The following KLHL8 variants were observed in gnomAD, a reference collection of about 807,000 sequenced individuals.
KLHL8 encodes the protein kelch-like protein 8.
KLHL8 carries 38 observed loss-of-function variants against 63.5 expected under a neutral mutation model. The ratio of observed to expected loss-of-function variants is 0.60; its 90% confidence interval spans 0.46 to 0.78. The LOEUF (loss-of-function observed/expected upper bound fraction) is 0.78. Among genes scored for constraint, KLHL8 ranks in the 30% least tolerant of loss-of-function variants. The probability of loss-of-function intolerance (pLI) is 0.00; values close to 1 mark genes in which losing one functional copy is unlikely to be tolerated. For synonymous variants in KLHL8, 224 were observed against 254.3 expected (o/e 0.88, Z 1.13); for missense variants, 566 against 752.4 (o/e 0.75, Z 2.90).
At chr4:87,238,963 C>CT (rs1403515802) in intron 1 of KLHL8, among the ~76,000 whole-genome samples, 4 of 152,094 alleles carry the variant, frequency 2.6e-5, no homozygotes, top group African/African-American at 2.4e-5. Flanking sequence ...TCTCTAGTGA[C>CT]TTTTTTTCCA....
intron 1 of KLHL8, among the ~76,000 whole-genome samples, chr4:87,226,066 T>G (rs1003000857): frequency 2.0e-5 from 3 of 152,184 alleles, no homozygotes; most frequent in African/African-American, 7.2e-5. Context: ...AACTGTGACT[T>G]TAGTTACCAG....
At chr4:87,214,417 T>TAG (rs1361891189) in intron 1 of KLHL8, among the ~76,000 whole-genome samples, 1 of 13,662 alleles carries the variant, frequency 7.3e-5, no homozygotes, top group Non-Finnish European at 1.2e-4. Flanking sequence ...ACATAACAGA[T>TAG]ATATATATAT....
chr4:87,184,013 T>A (rs1731154432), intron 3 of KLHL8, among the ~76,000 whole-genome samples: 2 of 152,160 alleles, frequency 1.3e-5, no homozygotes, highest in Non-Finnish European at 2.9e-5. Flanking sequence ...TGAAACCAGG[T>A]AATGCTATTT....
chr4:87,216,367 C>A (rs1732595668), intron 1 of KLHL8, among the ~76,000 whole-genome samples: 1 of 152,114 alleles, frequency 6.6e-6, no homozygotes, highest in Non-Finnish European at 1.5e-5. Flanking sequence ...TCTTTCCTTT[C>A]CACAAAAAAC....
intron 1 of KLHL8, among the ~76,000 whole-genome samples, chr4:87,202,698 C>T (rs1198594938): frequency 1.3e-5 from 2 of 152,290 alleles, no homozygotes; most frequent in Non-Finnish European, 2.9e-5. Flanking sequence ...AAGCAATCTT[C>T]AAGCACAGAT....
At chr4:87,215,796 T>A (rs1732573161) in intron 1 of KLHL8, among the ~76,000 whole-genome samples, 2 of 152,296 alleles carry the variant, frequency 1.3e-5, no homozygotes, top group East Asian at 1.9e-4. Context: ...AATCACAAAT[T>A]ATAATATAAT....
chr4:87,195,644 G>T lies in KLHL8; in HGVS notation c.-105C>A. 1 of 916,154 alleles carries T rather than the reference G, an allele frequency of 1.1e-6. No homozygotes were observed. The highest frequency in any genetic ancestry group is 1.7e-6 in the Non-Finnish European group (1 of 597,010). 56.8% of individuals were successfully genotyped at this position (916,154 alleles called of 1,614,324 possible). ...AGGTAGATGTAGACACTACAATTCAGACGTTTTTCAAAACCCACTCAACTG... is the reference window on the plus strand; with the variant it reads ...AGGTAGATGTAGACACTACAATTCATACGTTTTTCAAAACCCACTCAACTG... On this transcript the variant is annotated 5_prime_UTR_variant, in exon 2 of 10. In the 5' UTR this introduces an upstream ATG that the reference lacks. Coordinates refer to ENST00000273963, the MANE Select transcript of KLHL8 (RefSeq NM_020803.5).
At chr4:87,198,503 A>G (rs1050421828) in intron 1 of KLHL8, among the ~76,000 whole-genome samples, 4 of 152,230 alleles carry the variant, frequency 2.6e-5, no homozygotes, top group African/African-American at 9.6e-5. Flanking sequence ...CAAAAGGGAC[A>G]AGCTATTGAA....
intron 1 of KLHL8, chr4:87,220,142 C>T (rs1218619750): frequency 6.6e-6 from 1 of 152,552 alleles, no homozygotes; most frequent in Non-Finnish European, 1.5e-5. Context: ...GGAGCATAAC[C>T]CTGCTCCTCC....
intron 1 of KLHL8, among the ~76,000 whole-genome samples, chr4:87,239,750 A>C (rs955656451): frequency 6.6e-6 from 1 of 152,172 alleles, no homozygotes; most frequent in African/African-American, 2.4e-5. Flanking sequence ...TCAAGGTAAG[A>C]TTTATTTGAG....
intron 1 of KLHL8, among the ~76,000 whole-genome samples, chr4:87,211,935 G>C (rs1732422352): frequency 1.3e-5 from 2 of 152,140 alleles, no homozygotes; most frequent in African/African-American, 2.4e-5. Context: ...ATGTGTTCTT[G>C]AACAATAACT....
intron 1 of KLHL8, among the ~76,000 whole-genome samples, chr4:87,202,273 C>G (rs753626157): frequency 6.6e-6 from 1 of 152,004 alleles, no homozygotes; most frequent in Non-Finnish European, 1.5e-5. Flanking sequence ...AAACCAAAAG[C>G]TATTTTTAAA....
intron 4 of KLHL8, among the ~76,000 whole-genome samples, chr4:87,179,288 G>A (rs1730955863): frequency 6.6e-6 from 1 of 152,036 alleles, no homozygotes; most frequent in African/African-American, 2.4e-5. Flanking sequence ...AATACCACTG[G>A]GAACAGTTCA....
intron 8 of KLHL8, among the ~76,000 whole-genome samples, chr4:87,168,681 T>TATAC (rs1491285084): frequency 2.2e-4 from 33 of 149,046 alleles, no homozygotes; most frequent in African/African-American, 7.1e-4. Flanking sequence ...TGTGTATATA[T>TATAC]GTGTGTATAT....
At chr4:87,232,987 C>G (rs1733162541) in intron 1 of KLHL8, among the ~76,000 whole-genome samples, 1 of 151,750 alleles carries the variant, frequency 6.6e-6, no homozygotes, top group African/African-American at 2.4e-5. Context: ...CAGTTTGTGA[C>G]TTGTCTTACT....
intron 1 of KLHL8, among the ~76,000 whole-genome samples, chr4:87,230,026 G>C (rs949532234): frequency 6.6e-6 from 1 of 152,026 alleles, no homozygotes; most frequent in African/African-American, 2.4e-5. Context: ...TCTCAGTCAG[G>C]TCACTGGCAG....
intron 8 of KLHL8, among the ~76,000 whole-genome samples, chr4:87,169,228 A>G (rs1578359853): frequency 6.6e-6 from 1 of 152,076 alleles, no homozygotes; most frequent in Non-Finnish European, 1.5e-5. Context: ...TTGCTTGAAC[A>G]TGTGTGGCAG....
chr4:87,214,510 A>G (rs1302043654), intron 1 of KLHL8, among the ~76,000 whole-genome samples: 1 of 145,602 alleles, frequency 6.9e-6, no homozygotes, highest in Non-Finnish European at 1.5e-5. Context: ...AATCCTTGGG[A>G]TAACTCAAAG....
chr4:87,172,382 C>T (rs1375659146), intron 6 of KLHL8, among the ~76,000 whole-genome samples: 1 of 152,178 alleles, frequency 6.6e-6, no homozygotes, highest in Non-Finnish European at 1.5e-5. Flanking sequence ...TGATTCTGGC[C>T]TTGTGGGACC....
Sources: gnomAD v4.1 joint callset for allele counts (sites outside exome capture counted in the v4.1 genomes callset) on GRCh38, gnomAD v4.1.1 for gene constraint, MANE v1.5 for transcripts, NCBI Gene and HGNC (gene_info 2026-07-23, HGNC 2026-07-21) for gene names.